Variants in NMRK2 observed in about 807,000 individuals in gnomAD.
The protein encoded by NMRK2 is nicotinamide riboside kinase 2.
NMRK2 carries 34 observed loss-of-function variants against 24.7 expected under a neutral mutation model. The observed-to-expected ratio is 1.37, with a 90% confidence interval of 1.05 to 1.83. The LOEUF is 1.83. NMRK2 is among the 40% of genes most tolerant of loss of function. NMRK2 has a pLI of 0.00. For synonymous variants in NMRK2, 145 were observed against 125.6 expected (o/e 1.15, Z -1.03); for missense variants, 341 against 315.0 (o/e 1.08, Z -0.62).
At chr19:3,933,796 T>TGAGGTCACCTACACGCCGCCC in intron 2 of NMRK2, 99 bp downstream of exon 2, 5 of 1,202,178 alleles carry the variant, frequency 4.2e-6, no homozygotes, top group Non-Finnish European at 4.3e-6. Context: ...GCCTGGCGCC[T>TGAGGTCACCTACACGCCGCCC]GAGGTCACCT....
chr19:3,941,251 T>A (rs1481534845), intron 7 of NMRK2, 74 bp downstream of exon 7: 24 of 67,064 alleles, frequency 3.6e-4, no homozygotes, highest in Non-Finnish European at 1.0e-4. Flanking sequence ...CTCTCCATCT[T>A]TTTTTTTTTT....
In NMRK2 at chr19:3,934,760, T is replaced by C. The variant is rs140885387; in HGVS notation, c.26+1063T>C. ...CATGCCTGTCTAAACTTTGTGTTTT[T>C]AGTAGAGATGGGGGGTTTCACCATG... On this transcript the variant is annotated intron_variant, in intron 2 of 7. Transcript: ENST00000168977. Among the ~76,000 whole-genome samples the C allele has an allele frequency of 3.9e-5, 6 of 151,960 alleles. No individual in the cohort carries two copies. In the East Asian group the frequency reaches 1.2e-3, roughly 30 times the overall value.
chr19:3,936,739 C>A, intron 3 of NMRK2, 74 bp downstream of exon 3: 1 of 1,256,658 alleles, frequency 8.0e-7, no homozygotes, highest in South Asian at 1.4e-5. Flanking sequence ...CCAGCCCCGC[C>A]CTCCACTGCC....
At chr19:3,935,031 C>T (rs2145288669) in intron 2 of NMRK2, among the ~76,000 whole-genome samples, 1 of 152,040 alleles carries the variant, frequency 6.6e-6, no homozygotes, top group African/African-American at 2.4e-5. Context: ...TACCTGGGGG[C>T]TTACATTTTA....
rs764163881 is a variant in NMRK2 at position 3,941,143 on chromosome 19, T to C, written c.468T>C (p.Tyr156=). 14 of 1,612,940 alleles carry C rather than the reference T, an allele frequency of 8.7e-6. No individual in the cohort carries two copies. Among genetic ancestry groups the C allele is most frequent in the Middle Eastern group, 1.6e-4 (1 of 6,076 alleles). ...ACGTGTGGCCCATGTACCAGAAGTATAGGCAGGAGATGGAGGCCAACGGTG... is the reference window on the plus strand; with the variant it reads ...ACGTGTGGCCCATGTACCAGAAGTACAGGCAGGAGATGGAGGCCAACGGTG... The part of the protein sequence containing the change: ...DGHVWPMYQK[Y]RQEMEANGVE... The change falls in exon 7 of 8, where the codon TAT becomes TAC. Residue 156 remains tyrosine, a synonymous_variant. Coordinates refer to ENST00000168977, the MANE Select transcript of NMRK2 (RefSeq NM_170678.3).
chr19:3,935,871 G>A (rs1281086559), intron 2 of NMRK2, among the ~76,000 whole-genome samples: 2 of 151,598 alleles, frequency 1.3e-5, no homozygotes, highest in Non-Finnish European at 2.9e-5. Flanking sequence ...GTGCATGGCC[G>A]GTGCTGTTTT....
chr19:3,942,017 C>CA, intron 7 of NMRK2, 66 bp from the exon 8 acceptor site: 1 of 1,345,528 alleles, frequency 7.4e-7, no homozygotes. Flanking sequence ...CCCAGCCGTC[C>CA]ACTCGTCCCC....
chr19:3,933,621 A>T lies in NMRK2; in HGVS notation c.-51A>T, dbSNP rs771541510. On this transcript the variant is annotated 5_prime_UTR_variant, in exon 2 of 8. Coordinates refer to ENST00000168977, the MANE Select transcript of NMRK2 (RefSeq NM_170678.3). ...ACTCCGGAGCGCACTGCGTGGTCGCACCCTACCCGGGCTGCCTTGGAAGTC... is the reference window on the plus strand; with the variant it reads ...ACTCCGGAGCGCACTGCGTGGTCGCTCCCTACCCGGGCTGCCTTGGAAGTC... The T allele has an allele frequency of 1.3e-6, 2 of 1,515,388 alleles. No individual in the cohort carries two copies. Among genetic ancestry groups the T allele is most frequent in the East Asian group, 5.4e-5 (2 of 36,840 alleles). 93.9% of individuals were successfully genotyped at this position (1,515,388 alleles called of 1,614,324 possible).
At chr19:3,935,307 G>A (rs1165763686) in intron 2 of NMRK2, among the ~76,000 whole-genome samples, 1 of 145,236 alleles carries the variant, frequency 6.9e-6, no homozygotes, top group Non-Finnish European at 1.5e-5. Context: ...CAAGGCTGGA[G>A]TGGAGTGGCA....
Position 3,933,556 on chromosome 19 carries a change from C to T in NMRK2, c.-116C>T, listed in dbSNP as rs2039152551. 14 of 1,298,976 alleles carry T rather than the reference C, an allele frequency of 1.1e-5. No individual in the cohort carries two copies. In the South Asian group the frequency reaches 1.4e-4, roughly 13 times the overall value. 80.5% of individuals were successfully genotyped at this position (1,298,976 alleles called of 1,614,324 possible). On this transcript the variant is annotated 5_prime_UTR_variant, in exon 2 of 8. Transcript: ENST00000168977. The stretch of plus-strand genomic sequence containing the variant: ...CGGGGCGGCCTCCAGGCTGCCGAGA[C>T]CTATAAAGGCGCCAGGTTTTCTCAA...
At chr19:3,938,014 CG>C (rs2039245334) in intron 4 of NMRK2, among the ~76,000 whole-genome samples, 1 of 137,530 alleles carries the variant, frequency 7.3e-6, no homozygotes. Context: ...ACTGTCCCCC[CG>C]GGGTCTGCCC....
Position 3,933,630 on chromosome 19 carries a change from G to A in NMRK2, c.-42G>A, listed in dbSNP as rs1346109334. The A allele has an allele frequency of 6.6e-7, 1 of 1,518,250 alleles. No individual in the cohort carries two copies. The highest frequency in any genetic ancestry group is 1.2e-5 in the South Asian group (1 of 82,968). 94.0% of individuals were successfully genotyped at this position (1,518,250 alleles called of 1,614,324 possible). A position where few individuals can be genotyped will look rare whatever the true frequency, so the allele number is the denominator to read the frequency against. ...CGCACTGCGTGGTCGCACCCTACCC[G>A]GGCTGCCTTGGAAGTCGTCCCCGCC... is the stretch of plus-strand genomic sequence containing the variant. On this transcript the variant is annotated 5_prime_UTR_variant, in exon 2 of 8. Coordinates refer to ENST00000168977, the MANE Select transcript of NMRK2 (RefSeq NM_170678.3).
chr19:3,942,017 C>A, intron 7 of NMRK2, 66 bp from the exon 8 acceptor site: 1 of 1,345,522 alleles, frequency 7.4e-7, no homozygotes, highest in Non-Finnish European at 1.0e-6. Flanking sequence ...CCCAGCCGTC[C>A]ACTCGTCCCC....
intron 6 of NMRK2, among the ~76,000 whole-genome samples, chr19:3,940,848 G>A (rs2039318887): frequency 1.3e-5 from 2 of 151,970 alleles, no homozygotes; most frequent in South Asian, 4.1e-4. Flanking sequence ...AGAGCCTGAG[G>A]CCTGGATAGC....
In NMRK2 at chr19:3,941,160, C is replaced by T. The variant is rs1249922693; in HGVS notation, c.485C>T (p.Ala162Val). 3 of 1,610,240 alleles carry T rather than the reference C, an allele frequency of 1.9e-6. No homozygotes were observed. The Admixed American group carries it at 5.0e-5, about 27-fold the overall frequency. ...CAGAAGTATAGGCAGGAGATGGAGG[C>T]CAACGGTGTGGAAGTGGGTAAGCCC... ...MYQKYRQEME[A>V]NGVEVVYLDG... The change falls in exon 7 of 8, where the codon GCC becomes GTC. Residue 162 changes from alanine to valine, a missense_variant. By Grantham distance (64) the Ala-to-Val change is moderately conservative. Transcript: ENST00000168977.
Position 3,941,088 on chromosome 19 carries a change from T to G in NMRK2, c.413T>G (p.Val138Gly). The G allele has an allele frequency of 6.2e-7, 1 of 1,612,958 alleles. No homozygotes were observed. The highest frequency in any genetic ancestry group is 1.1e-5 in the South Asian group (1 of 91,036). ...CTCTGCAGTACCCGCAACTACACAG[T>G]CCCTGATCCCCCCGGCCTCTTCGAT... is the stretch of plus-strand genomic sequence containing the variant. ...KWRRSTRNYTVPDPPGLFDGH... is the reference protein window; with the variant it reads ...KWRRSTRNYTGPDPPGLFDGH... The change falls in exon 7 of 8, where the codon GTC (valine) becomes GGC (glycine). Residue 138 changes from valine (V) to glycine (G), a missense_variant. Coordinates refer to ENST00000168977, the MANE Select transcript of NMRK2 (RefSeq NM_170678.3).
chr19:3,940,910 A>G (rs1251271145), intron 6 of NMRK2, among the ~76,000 whole-genome samples, 161 bp from the exon 7 acceptor site: 2 of 152,120 alleles, frequency 1.3e-5, no homozygotes, highest in African/African-American at 2.4e-5. Flanking sequence ...CAGGGTGAAC[A>G]TGCCGGAGGT....
chr19:3,934,726 C>T (rs1052668762), intron 2 of NMRK2, among the ~76,000 whole-genome samples: 3 of 151,706 alleles, frequency 2.0e-5, no homozygotes, highest in African/African-American at 7.3e-5. Flanking sequence ...GGATTACAGG[C>T]GTGAACCACA....
intron 4 of NMRK2, 95 bp from the exon 5 acceptor site, chr19:3,938,508 A>G: frequency 9.8e-7 from 1 of 1,021,798 alleles, no homozygotes. Flanking sequence ...CTCCCCATCC[A>G]CCGTCCCCTG....
Sources: allele counts gnomAD v4.1 joint callset (sites outside exome capture counted in the v4.1 genomes callset), GRCh38; gene constraint gnomAD v4.1.1; transcripts MANE v1.5; gene names NCBI Gene and HGNC (gene_info 2026-07-23, HGNC 2026-07-21).